Variants in XKRX observed in about 807,000 individuals in gnomAD.
XKRX encodes XK related X-linked, also known as XK-related protein 2.
XKRX carries 11 observed loss-of-function variants against 22.4 expected under a neutral mutation model. The observed-to-expected ratio is 0.49, with a 90% confidence interval of 0.31 to 0.81. The LOEUF is 0.81. Among genes scored for constraint, XKRX ranks in the 40% least tolerant of loss-of-function variants. The probability of loss-of-function intolerance (pLI) is 0.05; values close to 1 mark genes in which losing one functional copy is unlikely to be tolerated. For missense variants in XKRX, 320 were observed against 336.5 expected (o/e 0.95, Z 0.38); for synonymous variants, 114 against 132.2 (o/e 0.86, Z 0.94).
At chrX:100,958,181 G>C in the XKRX span, among the ~76,000 whole-genome samples, 1 of 112,239 alleles carries the variant, frequency 8.9e-6, no homozygotes, top group Non-Finnish European at 1.9e-5. Flanking sequence ...TCTATGGCTT[G>C]ATTAAAAATA....
chrX:100,927,479 A>T (rs1053965787), intron 1 of XKRX, among the ~76,000 whole-genome samples: 26 of 109,912 alleles, frequency 2.4e-4, no homozygotes, highest in African/African-American at 5.6e-4. Flanking sequence ...GCCTATAAAA[A>T]TTTTTTTTTA....
the XKRX span, among the ~76,000 whole-genome samples, chrX:100,942,139 C>A: frequency 1.1e-3 from 123 of 111,654 alleles, no homozygotes; most frequent in Non-Finnish European, 2.2e-3. Flanking sequence ...TGAGCCACTG[C>A]GCCCGGCTTA....
In XKRX at chrX:100,915,002, T is replaced by C. The variant is rs749758124; in HGVS notation, c.686A>G (p.Asp229Gly). Residue 229 changes from aspartate to glycine, a missense_variant, in exon 3 of 3, where the codon GAT (aspartate) becomes GGT (glycine). Transcript: ENST00000372956. Reference sequence around the variant, plus strand: ...TGGCCCAAGGCGAATCTTGTAGTCATCGTACTTGATCTGGATAGCCAACAT... The same window carrying C: ...TGGCCCAAGGCGAATCTTGTAGTCACCGTACTTGATCTGGATAGCCAACAT... ...CNMLAIQIKYDDYKIRLGPLE... is the reference protein window; with the variant it reads ...CNMLAIQIKYGDYKIRLGPLE... 2 of 1,211,682 alleles carry C rather than the reference T, an allele frequency of 1.7e-6. No individual in the cohort carries two copies. The highest frequency in any genetic ancestry group is 1.8e-5 in the South Asian group (1 of 56,989).
At chrX:100,942,280 C>G in the XKRX span, among the ~76,000 whole-genome samples, 1 of 112,152 alleles carries the variant, frequency 8.9e-6, no homozygotes, top group Non-Finnish European at 1.9e-5. Flanking sequence ...CCGAGGCTCT[C>G]CTCATGAGTC....
the XKRX span, chrX:100,957,688 T>A: frequency 2.5e-6 from 1 of 399,643 alleles, no homozygotes; most frequent in East Asian, 3.9e-5. Context: ...TGATGAGAGA[T>A]GAAAAAAACA....
the XKRX span, among the ~76,000 whole-genome samples, chrX:100,940,698 C>T: frequency 1.1e-4 from 12 of 111,493 alleles, no homozygotes; most frequent in East Asian, 1.4e-3. Context: ...ATTTCTTAGG[C>T]TCCAACCCAG....
In XKRX at chrX:100,923,034, G is replaced by A. The variant is rs752571517; in HGVS notation, c.363C>T (p.Leu121=). 4.4e-5 allele frequency: 53 copies of A among 1,210,075 alleles called. No homozygotes were observed. Among genetic ancestry groups the A allele is most frequent in the Non-Finnish European group, 5.6e-5 (50 of 895,271 alleles). ...CCTGCTCCTCTTTCTTCCACAGTGT[G>A]AGGTACTTAATCATGGCCTCCAAAC... ...IRCLEAMIKY[L]TLWKKEEQEE... is the part of the protein sequence containing the mutation. Residue 121 remains leucine (L), a synonymous_variant, in exon 2 of 3, where the codon CTC becomes CTT. Coordinates refer to ENST00000372956, the MANE Select transcript of XKRX (RefSeq NM_212559.3).
chrX:100,910,509 C>T (rs147698601), downstream of XKRX, among the ~76,000 whole-genome samples: 729 of 107,862 alleles, frequency 6.8e-3, 4 homozygotes, highest in African/African-American at 0.021. Flanking sequence ...CACTTGAACC[C>T]GGGAGGTGGA....
the XKRX span, among the ~76,000 whole-genome samples, chrX:100,935,535 T>G: frequency 8.9e-6 from 1 of 112,160 alleles, no homozygotes; most frequent in Non-Finnish European, 1.9e-5. Flanking sequence ...AGCCAGTGAC[T>G]GAGCACAGCA....
chrX:100,889,194 C>T, the XKRX span, among the ~76,000 whole-genome samples: 10 of 101,287 alleles, frequency 9.9e-5, no homozygotes, highest in South Asian at 3.3e-3. Flanking sequence ...GAGCTGAGAT[C>T]GCACCACTGC....
the XKRX span, among the ~76,000 whole-genome samples, chrX:100,944,110 CT>C: frequency 3.6e-5 from 4 of 111,937 alleles, no homozygotes; most frequent in Non-Finnish European, 7.5e-5. Flanking sequence ...TAATGTCAGT[CT>C]TTTTTCATTT....
At chrX:100,900,852 C>A in the XKRX span, among the ~76,000 whole-genome samples, 1 of 101,596 alleles carries the variant, frequency 9.8e-6, no homozygotes, top group African/African-American at 3.6e-5. Flanking sequence ...TGCAGTGTCA[C>A]GATCTCGGCT....
chrX:100,927,305 G>A (rs1308766429), intron 1 of XKRX, among the ~76,000 whole-genome samples: 1 of 110,181 alleles, frequency 9.1e-6, no homozygotes, highest in Non-Finnish European at 1.9e-5. Flanking sequence ...TCAGCCACCA[G>A]AGTAGCTGGG....
the XKRX span, among the ~76,000 whole-genome samples, chrX:100,944,013 T>G: frequency 1.8e-5 from 2 of 111,982 alleles, no homozygotes; most frequent in East Asian, 5.6e-4. Flanking sequence ...CACTGCCAAA[T>G]AGCTTTTCAG....
chrX:100,896,140 C>T, the XKRX span, among the ~76,000 whole-genome samples: 189 of 111,536 alleles, frequency 1.7e-3, no homozygotes, highest in Middle Eastern at 4.7e-3. Flanking sequence ...TATAAAAAGA[C>T]CTGGATTCCC....
At chrX:100,909,109 T>A (rs987146843), downstream of XKRX, among the ~76,000 whole-genome samples, 1 of 111,895 alleles carries the variant, frequency 8.9e-6, no homozygotes, top group South Asian at 3.8e-4. Flanking sequence ...CCTCTCCAGT[T>A]TTCTTCCCAC....
At position 100,914,061 on chromosome X, in the gene XKRX, T is replaced by C; in HGVS notation, c.*277A>G. On this transcript the variant is annotated 3_prime_UTR_variant, in exon 3 of 3. Coordinates refer to ENST00000372956, the MANE Select transcript of XKRX (RefSeq NM_212559.3). ...GTCACTTTAGAGAGCCTAAAGTGTT[T>C]GAAGACAAGTTATTCCAATTGACTT... The C allele has an allele frequency of 3.0e-6, 1 of 334,609 alleles. No homozygotes were observed. The highest frequency in any genetic ancestry group is 5.2e-6 in the Non-Finnish European group (1 of 191,282). The allele number at this position is 334,609 out of a possible 1,213,427, so 27.6% of individuals were successfully genotyped here. A position where few individuals can be genotyped will look rare whatever the true frequency, so the allele number is the denominator to read the frequency against.
the XKRX span, among the ~76,000 whole-genome samples, chrX:100,901,993 C>T: frequency 7.9e-5 from 8 of 100,710 alleles, 1 homozygote; most frequent in Admixed American, 1.1e-4. Flanking sequence ...CAGCGAAACT[C>T]CATCTGAAAA....
chrX:100,920,267 T>C (rs2085465742), intron 2 of XKRX, among the ~76,000 whole-genome samples: 1 of 110,731 alleles, frequency 9.0e-6, no homozygotes, highest in African/African-American at 3.3e-5. Context: ...GTATATTATA[T>C]ATTTATTATT....
Sources: gnomAD v4.1 joint callset for allele counts (sites outside exome capture counted in the v4.1 genomes callset) on GRCh38, gnomAD v4.1.1 for gene constraint, MANE v1.5 for transcripts, NCBI Gene and HGNC (gene_info 2026-07-23, HGNC 2026-07-21) for gene names.